TMIGD3: variants seen among roughly 807,000 people sequenced by gnomAD.
TMIGD3 encodes AD026 protein (AD026).
TMIGD3 carries 21 observed loss-of-function variants against 28.1 expected under a neutral mutation model. The ratio of observed to expected loss-of-function variants is 0.75; its 90% CI spans 0.53 to 1.08. The LOEUF (loss-of-function observed/expected upper bound fraction) is 1.08. TMIGD3 is among the 50% of genes least tolerant of loss of function. TMIGD3 has a pLI of 0.00. For synonymous variants in TMIGD3, 151 were observed against 162.1 expected (o/e 0.93, Z 0.52); for missense variants, 416 against 435.6 (o/e 0.96, Z 0.40).
intron 1 of TMIGD3, among the ~76,000 whole-genome samples, chr1:111,496,197 A>G (rs1654881510): frequency 6.6e-6 from 1 of 152,206 alleles, no homozygotes; most frequent in Non-Finnish European, 1.5e-5. Context: ...AAGAGACATT[A>G]AAAAATAGCC....
upstream of TMIGD3, among the ~76,000 whole-genome samples, chr1:111,506,938 CATATATAT>C (rs1655517434): frequency 1.4e-4 from 17 of 125,168 alleles, no homozygotes; most frequent in South Asian, 2.8e-4. Flanking sequence ...CACACACACA[CATATATAT>C]ACACACACAT....
intron 1 of TMIGD3, among the ~76,000 whole-genome samples, chr1:111,539,577 T>G (rs982877373): frequency 3.3e-5 from 5 of 152,190 alleles, no homozygotes; most frequent in Non-Finnish European, 7.3e-5. Context: ...ATTACAGGAA[T>G]GAGCCACTGT....
intron 1 of TMIGD3, among the ~76,000 whole-genome samples, chr1:111,518,851 T>C (rs1557832921): frequency 6.6e-6 from 1 of 152,244 alleles, no homozygotes; most frequent in Non-Finnish European, 1.5e-5. Flanking sequence ...ACAATCTAGA[T>C]GTAAGATTTT....
chr1:111,539,388 C>T (rs1656743426), intron 1 of TMIGD3, among the ~76,000 whole-genome samples: 1 of 152,164 alleles, frequency 6.6e-6, no homozygotes, highest in South Asian at 2.1e-4. Context: ...ACCTCCATCT[C>T]CCGAGTTCAA....
Position 111,528,972 on chromosome 1 carries a change from T to C in TMIGD3, c.107+34874A>G, listed in dbSNP as rs566943991. 3.9e-5 allele frequency among the ~76,000 whole-genome samples: 6 copies of C among 152,198 alleles called. No homozygotes were observed. In the East Asian group the frequency reaches 9.6e-4, roughly 24 times the overall value. On this transcript the variant is annotated intron_variant, in intron 1 of 5. Coordinates refer to the TMIGD3 transcript ENST00000369717. ...CATTTGCAAAAACAGACAGTTTCGTTTCTTTCTTCCCATCTGTGTACCTTT... is the reference window on the plus strand; with the variant it reads ...CATTTGCAAAAACAGACAGTTTCGTCTCTTTCTTCCCATCTGTGTACCTTT...
At chr1:111,507,851 G>A (rs1468457474), upstream of TMIGD3, among the ~76,000 whole-genome samples, 1 of 152,244 alleles carries the variant, frequency 6.6e-6, no homozygotes, top group Non-Finnish European at 1.5e-5. Context: ...CTCAGGGTCA[G>A]CCCTGAAGGT....
upstream of TMIGD3, chr1:111,504,048 C>T: frequency 4.1e-6 from 4 of 985,462 alleles, no homozygotes; most frequent in Non-Finnish European, 4.8e-6. Context: ...TTAGCCAGAA[C>T]TATTCCTGCT....
At chr1:111,505,197 CA>C (rs1417596390), upstream of TMIGD3, among the ~76,000 whole-genome samples, 1 of 150,194 alleles carries the variant, frequency 6.7e-6, no homozygotes, top group Non-Finnish European at 1.5e-5. Context: ...TTAAATACTG[CA>C]AAAAACCCTC....
At chr1:111,540,012 C>G (rs1353787075) in intron 1 of TMIGD3, among the ~76,000 whole-genome samples, 1 of 152,162 alleles carries the variant, frequency 6.6e-6, no homozygotes, top group South Asian at 2.1e-4. Context: ...TGCACCATTA[C>G]TTGAGACCAG....
chr1:111,554,910 C>T (rs528575998), intron 1 of TMIGD3, among the ~76,000 whole-genome samples: 1 of 151,468 alleles, frequency 6.6e-6, no homozygotes, highest in East Asian at 1.9e-4. Flanking sequence ...AACAAAATTC[C>T]CTGAGTAAGG....
intron 1 of TMIGD3, among the ~76,000 whole-genome samples, chr1:111,536,389 T>C (rs3849169): frequency 0.56 from 85,280 of 151,938 alleles, 24,181 homozygotes; most frequent in East Asian, 0.75. Context: ...AGCAGCACTG[T>C]GGGAAAATCC....
intron 1 of TMIGD3, among the ~76,000 whole-genome samples, chr1:111,502,168 TATAATAAATATATAGGATATATA>T (rs1655236255): frequency 3.0e-5 from 2 of 67,768 alleles, no homozygotes; most frequent in East Asian, 4.1e-4. Flanking sequence ...ATATATTTAT[TATAATAAATATATAGGATATATA>T]TATTATAATA....
At chr1:111,501,025 A>G (rs547318977) in intron 1 of TMIGD3, 1 of 173,144 alleles carries the variant, frequency 5.8e-6, no homozygotes, top group East Asian at 1.6e-4. Flanking sequence ...AAGCCTAAGA[A>G]TTATTCAGTT....
intron 1 of TMIGD3, among the ~76,000 whole-genome samples, chr1:111,555,362 T>TAAAAAAAAAAAAAAAAAAA (rs397981230): frequency 4.2e-5 from 2 of 47,640 alleles, no homozygotes; most frequent in African/African-American, 1.2e-4. Context: ...TGAGACTCTG[T>TAAAAAAAAAAAAAAAAAAA]AAAAAAAAAA....
intron 1 of TMIGD3, among the ~76,000 whole-genome samples, chr1:111,516,270 C>T (rs1655864612): frequency 6.6e-6 from 1 of 152,230 alleles, no homozygotes; most frequent in South Asian, 2.1e-4. Flanking sequence ...CGAAGATCAA[C>T]TTAAAAATAG....
chr1:111,488,877 G>A lies in TMIGD3; in HGVS notation c.605C>T (p.Ser202Phe), dbSNP rs184417691. 1 of 1,614,190 alleles carries A rather than the reference G, an allele frequency of 6.2e-7. No individual in the cohort carries two copies. The highest frequency in any genetic ancestry group is 1.3e-5 in the African/African-American group (1 of 75,042). The part of the protein sequence containing the change: ...FRDYCNIIAF[S>F]PNSTNHVALR... ...GGCCACATGATTGGTGCTGTTAGGGGAGAAGGCGATGATGTTGCAGTAGTC... is the reference window on the plus strand; with the variant it reads ...GGCCACATGATTGGTGCTGTTAGGGAAGAAGGCGATGATGTTGCAGTAGTC... Residue 202 changes from serine (S) to phenylalanine (F), a missense_variant, in exon 3 of 6, where the codon TCC becomes TTC. Coordinates refer to ENST00000369716, the MANE Select transcript of TMIGD3 (RefSeq NM_020683.7).
chr1:111,504,726 G>C (rs1403599031), upstream of TMIGD3: 1 of 267,618 alleles, frequency 3.7e-6, no homozygotes, highest in Admixed American at 6.5e-5. Context: ...ACACTTCAGA[G>C]TGGGGCATAA....
At chr1:111,520,848 C>T (rs1172756487) in intron 1 of TMIGD3, among the ~76,000 whole-genome samples, 1 of 152,180 alleles carries the variant, frequency 6.6e-6, no homozygotes, top group African/African-American at 2.4e-5. Context: ...TTATTGAAGT[C>T]TAATTAGCAT....
At chr1:111,505,348 G>A (rs1655450397), upstream of TMIGD3, among the ~76,000 whole-genome samples, 1 of 152,100 alleles carries the variant, frequency 6.6e-6, no homozygotes, top group Non-Finnish European at 1.5e-5. Context: ...ACCCACTAGA[G>A]AGAATAAAGG....
Sources: gnomAD v4.1 joint callset for allele counts (sites outside exome capture counted in the v4.1 genomes callset) on GRCh38, gnomAD v4.1.1 for gene constraint, MANE v1.5 for transcripts, NCBI Gene and HGNC (gene_info 2026-07-23, HGNC 2026-07-21) for gene names.